The following CEP126 variants were observed in gnomAD, a reference collection of about 807,000 sequenced individuals.
CEP126 encodes the protein centrosomal protein of 126 kDa.
Under a neutral mutation model 107.8 loss-of-function variants are expected in CEP126, and 74 were observed. That is an observed-to-expected ratio of 0.69 (90% CI 0.57 to 0.83). The LOEUF is 0.83. Among genes scored for constraint, CEP126 ranks in the 40% least tolerant of loss-of-function variants. The probability of loss-of-function intolerance (pLI) is 0.00; values close to 1 mark genes in which losing one functional copy is unlikely to be tolerated. For synonymous variants in CEP126, 449 were observed against 446.0 expected (o/e 1.01, Z -0.08); for missense variants, 1,237 against 1,281.9 (o/e 0.96, Z 0.53).
intron 6 of CEP126, among the ~76,000 whole-genome samples, chr11:101,971,463 A>C (rs543634854): frequency 3.3e-5 from 5 of 152,362 alleles, no homozygotes; most frequent in East Asian, 3.9e-4. Flanking sequence ...AAAACCAGTT[A>C]AGTTCAGTTT....
chr11:101,919,276 T>TG (rs1940285282), intron 1 of CEP126, among the ~76,000 whole-genome samples: 1 of 152,050 alleles, frequency 6.6e-6, no homozygotes, highest in Non-Finnish European at 1.5e-5. Flanking sequence ...TTAATAGATT[T>TG]GGGGAAAAAA....
At chr11:101,977,972 G>C (rs571443472) in intron 6 of CEP126, among the ~76,000 whole-genome samples, 2 of 152,280 alleles carry the variant, frequency 1.3e-5, no homozygotes, top group East Asian at 3.9e-4. Flanking sequence ...TAACCAGGGT[G>C]CCAGTGTCAA....
chr11:101,930,641 G>A (rs1940484820), intron 2 of CEP126, among the ~76,000 whole-genome samples: 1 of 152,188 alleles, frequency 6.6e-6, no homozygotes, highest in Non-Finnish European at 1.5e-5. Flanking sequence ...CCCTGCCCAT[G>A]TCCTGCTGAT....
chr11:101,962,612 A>C lies in CEP126; in HGVS notation c.1577A>C (p.Tyr526Ser). ...TTTTCAGACAGTTTTCAAGATGCCT[A>C]TATACCTCACAATCCTGATTCAAAA... ...PLFSDSFQDA[Y>S]IPHNPDSKDE... Residue 526 changes from tyrosine to serine, a missense_variant, in exon 6 of 11, where the codon TAT becomes TCT. Physicochemically the swap from Tyr to Ser is moderately radical, Grantham distance 144 (BLOSUM62 -2). Transcript: ENST00000263468. The C allele has an allele frequency of 6.2e-7, 1 of 1,613,740 alleles. No homozygotes were observed. The highest frequency in any genetic ancestry group is 8.5e-7 in the Non-Finnish European group (1 of 1,179,866).
chr11:101,915,254 G>A lies in CEP126; in HGVS notation c.-31G>A. On this transcript the variant is annotated 5_prime_UTR_variant, in exon 1 of 11. Transcript: ENST00000263468. ...GAGCTGCCATGAGGGAGGTTCTGGGGGCGAGCAGACAGGCGGCGCTGAAGT... is the reference window on the plus strand; with the variant it reads ...GAGCTGCCATGAGGGAGGTTCTGGGAGCGAGCAGACAGGCGGCGCTGAAGT... 1 of 1,612,076 alleles carries A rather than the reference G, an allele frequency of 6.2e-7. No homozygotes were observed. Among genetic ancestry groups the A allele is most frequent in the Non-Finnish European group, 8.5e-7 (1 of 1,179,316 alleles).
At chr11:101,922,032 G>A (rs1257012457) in intron 1 of CEP126, among the ~76,000 whole-genome samples, 6 of 151,728 alleles carry the variant, frequency 4.0e-5, no homozygotes, top group Non-Finnish European at 5.9e-5. Flanking sequence ...TGATCCACCC[G>A]CCTCAGCCTC....
chr11:101,971,023 T>A (rs1221903532), intron 6 of CEP126, among the ~76,000 whole-genome samples: 1 of 152,220 alleles, frequency 6.6e-6, no homozygotes, highest in Non-Finnish European at 1.5e-5. Context: ...TCACCCGGGC[T>A]GGAGTGTGAT....
At chr11:101,968,365 A>G (rs1262945224) in intron 6 of CEP126, among the ~76,000 whole-genome samples, 2 of 152,228 alleles carry the variant, frequency 1.3e-5, no homozygotes, top group Admixed American at 6.5e-5. Flanking sequence ...CCTTTGAGAT[A>G]AAACTTAAAT....
At chr11:101,920,688 C>G (rs1211413527) in intron 1 of CEP126, among the ~76,000 whole-genome samples, 1 of 151,500 alleles carries the variant, frequency 6.6e-6, no homozygotes, top group Non-Finnish European at 1.5e-5. Flanking sequence ...ACTGCAGACT[C>G]AACCCCCTCC....
chr11:101,972,537 TCA>T (rs1322994902), intron 6 of CEP126, among the ~76,000 whole-genome samples: 2 of 151,774 alleles, frequency 1.3e-5, no homozygotes, highest in Non-Finnish European at 1.5e-5. Flanking sequence ...GCGTGGTGGC[TCA>T]CACCTGTAAT....
intron 7 of CEP126, among the ~76,000 whole-genome samples, chr11:101,978,760 A>G (rs1238655192): frequency 6.6e-6 from 1 of 152,210 alleles, no homozygotes; most frequent in African/African-American, 2.4e-5. Context: ...GTCATTCACA[A>G]CAAAATTCAA....
intron 2 of CEP126, among the ~76,000 whole-genome samples, chr11:101,931,259 G>T (rs1195283999): frequency 2.6e-5 from 4 of 151,964 alleles, no homozygotes; most frequent in African/African-American, 9.7e-5. Context: ...AATCTTTATT[G>T]TTTAGGTGTT....
At position 102,000,696 on chromosome 11, in the gene CEP126, GA is replaced by G. The variant is rs61647490; in HGVS notation, c.*3065del. On this transcript the variant is annotated 3_prime_UTR_variant, in exon 11 of 11. Transcript: ENST00000263468. ...GACAGAGCAACACTCTGTCTTAAAAGAAAAAAAAAAAAGAGAGAGATAGTAA... is the reference window on the plus strand; with the variant it reads ...GACAGAGCAACACTCTGTCTTAAAAGAAAAAAAAAAAGAGAGAGATAGTAA... The G allele has an allele frequency of 0.033, 4,393 of 133,818 alleles. 199 individuals are homozygous for G. The highest frequency in any genetic ancestry group is 0.11 in the African/African-American group (4,079 of 36,986). The allele number at this position is 133,818 out of a possible 1,614,324, so 8.3% of individuals were successfully genotyped here.
intron 2 of CEP126, among the ~76,000 whole-genome samples, chr11:101,941,996 G>GT (rs1940671453): frequency 6.6e-6 from 1 of 151,842 alleles, no homozygotes; most frequent in Non-Finnish European, 1.5e-5. Context: ...TTAAAATCAG[G>GT]TTTTTTTGAT....
intron 6 of CEP126, among the ~76,000 whole-genome samples, chr11:101,975,061 C>T (rs1437754518): frequency 2.0e-5 from 3 of 151,972 alleles, no homozygotes; most frequent in African/African-American, 7.2e-5. Context: ...GAGGACTTCT[C>T]AAGATTTAGA....
intron 9 of CEP126, among the ~76,000 whole-genome samples, chr11:101,988,778 GTATA>G (rs34433049): frequency 6.7e-6 from 1 of 148,952 alleles, no homozygotes; most frequent in South Asian, 2.1e-4. Context: ...ATATGTATAT[GTATA>G]TATATATATA....
chr11:101,949,697 C>G (rs1940784445), intron 4 of CEP126, among the ~76,000 whole-genome samples: 1 of 152,116 alleles, frequency 6.6e-6, no homozygotes, highest in South Asian at 2.1e-4. Flanking sequence ...CACATAATGT[C>G]TGTCAGTCAG....
chr11:101,997,624 G>C lies in CEP126; in HGVS notation c.3335G>C (p.Ser1112Thr), dbSNP rs773907153. 2.5e-6 allele frequency: 4 copies of C among 1,613,956 alleles called. No homozygotes were observed. In the South Asian group the frequency reaches 4.4e-5, roughly 18 times the overall value. Residue 1112 changes from serine (S) to threonine (T), a missense_variant, in exon 11 of 11, where the codon AGC (serine) becomes ACC (threonine). This residue lies in a region of CEP126 where 99 missense variants were observed against 114.4 expected (regional missense o/e 0.87). Coordinates refer to ENST00000263468, the MANE Select transcript of CEP126 (RefSeq NM_020802.4). The stretch of plus-strand genomic sequence containing the variant: ...GAGAAGAGAGAAGATAGAACCAGCA[G>C]CTGCAGAGACAAGAGATAATTCCAG... ...LLEKREDRTS[S>T]CRDKR
At chr11:101,961,364 G>A (rs903521360) in intron 5 of CEP126, among the ~76,000 whole-genome samples, 8 of 151,806 alleles carry the variant, frequency 5.3e-5, no homozygotes, top group Non-Finnish European at 1.2e-4. Flanking sequence ...AATGTTTTAG[G>A]AAAAAAATAC....
Sources: allele counts gnomAD v4.1 joint callset (sites outside exome capture counted in the v4.1 genomes callset), GRCh38; gene constraint gnomAD v4.1.1; regional missense constraint gnomAD v4.1.1; transcripts MANE v1.5; gene names NCBI Gene and HGNC (gene_info 2026-07-23, HGNC 2026-07-21).